Variants in LTN1 observed in about 807,000 individuals in gnomAD.
LTN1 encodes listerin E3 ubiquitin protein ligase 1.
In LTN1, 88 loss-of-function variants were observed where a neutral mutation model predicts 201.2. The observed-to-expected ratio is 0.44, with a 90% CI of 0.37 to 0.52. The LOEUF is 0.52. Ranked by LOEUF, LTN1 falls within the 20% of genes least tolerant of loss-of-function variation. The probability of loss-of-function intolerance (pLI) is 0.00; values close to 1 mark genes in which losing one functional copy is unlikely to be tolerated. For missense variants in LTN1, 1,752 were observed against 2,038.7 expected (o/e 0.86, Z 2.71); for synonymous variants, 645 against 713.5 (o/e 0.90, Z 1.53).
rs373337698 is a variant in LTN1 at position 28,947,408 on chromosome 21, T to C, written c.3487+56A>G. ...ATGTGGTCTTATATATTAGAAACAGTTCTTCATCTCAAGCAATAATTAAAT... is the reference window on the plus strand; with the variant it reads ...ATGTGGTCTTATATATTAGAAACAGCTCTTCATCTCAAGCAATAATTAAAT... On this transcript the variant is annotated intron_variant, in intron 19 of 29. Transcript: ENST00000361371. 7.3e-6 allele frequency: 10 copies of C among 1,368,598 alleles called. No individual in the cohort carries two copies. The East Asian group carries it at 1.1e-4, about 15-fold the overall frequency. 84.8% of individuals were successfully genotyped at this position (1,368,598 alleles called of 1,614,324 possible). A position where few individuals can be genotyped will look rare whatever the true frequency, so the allele number is the denominator to read the frequency against.
intron 18 of LTN1, 71 bp downstream of exon 18, chr21:28,952,089 C>A: frequency 1.3e-6 from 1 of 767,900 alleles, no homozygotes; most frequent in Non-Finnish European, 2.1e-6. Context: ...AGAAATTATT[C>A]ATTAATTAGG....
Position 28,935,269 on chromosome 21 carries a change from A to C in LTN1, c.4715T>G (p.Leu1572Ter), listed in dbSNP as rs2146256772. The C allele has an allele frequency of 1.2e-6, 2 of 1,614,170 alleles. No homozygotes were observed. The highest frequency in any genetic ancestry group is 1.7e-6 in the Non-Finnish European group (2 of 1,180,002). ...CCTAACCATGGCAGGCAAGTCTTTT[A>C]ATGTCATATGATAGACTGAACAAGC... is the stretch of plus-strand genomic sequence containing the variant. ...HLACSVYHMT[L>*]KDLPAMVRLW... The change falls in exon 27 of 30, where the codon TTA (leucine) becomes TGA (stop). Residue 1572 changes from leucine (L) to a stop codon, truncating the protein, a stop_gained. Coordinates refer to ENST00000361371, the MANE Select transcript of LTN1 (RefSeq NM_015565.3). LOFTEE classifies it high-confidence loss of function.
intron 28 of LTN1, among the ~76,000 whole-genome samples, chr21:28,932,251 G>A (rs1239033225): frequency 6.6e-6 from 1 of 152,160 alleles, no homozygotes; most frequent in Non-Finnish European, 1.5e-5. Context: ...ATGAAATAAA[G>A]TCAATCCCTC....
At chr21:28,976,612 A>T (rs2084617200) in intron 6 of LTN1, among the ~76,000 whole-genome samples, 1 of 152,092 alleles carries the variant, frequency 6.6e-6, no homozygotes, top group East Asian at 1.9e-4. Context: ...AAAAAAAAAA[A>T]AAAAATTGAA....
intron 17 of LTN1, among the ~76,000 whole-genome samples, chr21:28,952,667 T>C (rs1313880551): frequency 6.6e-6 from 1 of 152,160 alleles, no homozygotes; most frequent in Non-Finnish European, 1.5e-5. Flanking sequence ...CTAAGTAGAA[T>C]GCGATTGGAA....
chr21:28,989,841 C>G (rs1400348458), intron 1 of LTN1, among the ~76,000 whole-genome samples: 1 of 151,996 alleles, frequency 6.6e-6, no homozygotes, highest in African/African-American at 2.4e-5. Context: ...ATGGCAAAAC[C>G]CTGTATCTAT....
chr21:28,973,341 C>T (rs1166964037), intron 6 of LTN1, among the ~76,000 whole-genome samples: 7 of 124,024 alleles, frequency 5.6e-5, no homozygotes, highest in South Asian at 2.4e-4. Context: ...AGCAAGAATC[C>T]GTCCCAAAAA....
chr21:28,986,235 A>G lies in LTN1; in HGVS notation c.249T>C (p.Ala83=), dbSNP rs770029485. 1.3e-6 allele frequency: 2 copies of G among 1,575,848 alleles called. No homozygotes were observed. The highest frequency in any genetic ancestry group is 1.7e-6 in the Non-Finnish European group (2 of 1,145,936). ...SKKDVTTKLK[A]MQEFGTMCTE... ...TACACATGGTTCCAAATTCCTGCAT[A>G]GCCTAAAAGTAAGTTATTAACATCA... Residue 83 remains alanine, a splice_region_variant and synonymous_variant, in exon 3 of 30, where the codon GCT becomes GCC. Coordinates refer to ENST00000361371, the MANE Select transcript of LTN1 (RefSeq NM_015565.3). The surrounding 1 kb of genome is among the most constrained non-coding windows in gnomAD (Gnocchi z 4.1).
At position 28,966,631 on chromosome 21, in the gene LTN1, C is replaced by T; in HGVS notation, c.1860G>A (p.Leu620=). Residue 620 remains leucine, a synonymous_variant, in exon 10 of 30, where the codon CTG becomes CTA. Transcript: ENST00000361371. The stretch of plus-strand genomic sequence containing the variant: ...CTCGGCTTGAAGAAAAGGAGTCAAG[C>T]AGAGTAGAAAGAAACCTTAGATGTT... ...SEQHLRFLST[L]LDSFSSSRVF... 1.2e-6 allele frequency: 2 copies of T among 1,614,016 alleles called. No homozygotes were observed. The highest frequency in any genetic ancestry group is 1.7e-6 in the Non-Finnish European group (2 of 1,179,984).
chr21:28,959,947 T>C (rs1013789892), intron 12 of LTN1: 21 of 320,450 alleles, frequency 6.6e-5, no homozygotes, highest in African/African-American at 4.6e-4. Flanking sequence ...GAAAACCCTT[T>C]AAGTCATGAG....
intron 26 of LTN1, 104 bp from the exon 27 acceptor site, chr21:28,935,433 A>T (rs2084247039): frequency 4.2e-6 from 3 of 713,382 alleles, no homozygotes; most frequent in Admixed American, 2.4e-5. Context: ...TTTCTCAACA[A>T]TAGTGCTATA....
At chr21:28,954,824 C>T (rs1161866859) in intron 16 of LTN1, among the ~76,000 whole-genome samples, 1 of 152,104 alleles carries the variant, frequency 6.6e-6, no homozygotes, top group African/African-American at 2.4e-5. Flanking sequence ...AGAACTGAAA[C>T]TATATAAAAC....
At chr21:28,955,405 C>T (rs8134402) in intron 16 of LTN1, among the ~76,000 whole-genome samples, 31,916 of 132,730 alleles carry the variant, frequency 0.24, 3,767 homozygotes, top group South Asian at 0.28. Flanking sequence ...TTTTGGAAAA[C>T]GATATGGAAG....
At chr21:28,955,727 A>G (rs992961050) in intron 16 of LTN1, among the ~76,000 whole-genome samples, 6 of 152,034 alleles carry the variant, frequency 3.9e-5, no homozygotes, top group Non-Finnish European at 5.9e-5. Flanking sequence ...GTTCAAGACC[A>G]GCCTGGCCAA....
Position 28,930,512 on chromosome 21 carries a change from T to C in LTN1, c.5239-2A>G, listed in dbSNP as rs761926761. 1 of 1,607,528 alleles carries C rather than the reference T, an allele frequency of 6.2e-7. No individual in the cohort carries two copies. The highest frequency in any genetic ancestry group is 1.3e-5 in the African/African-American group (1 of 74,692). ...GTTGCTAGATGTAAACCATTTGTAC[T>C]GAAAAAGAAAAGGTTTTAAATACTA... On this transcript the variant is annotated splice_acceptor_variant, in intron 29 of 29. Coordinates refer to ENST00000361371, the MANE Select transcript of LTN1 (RefSeq NM_015565.3). LOFTEE classifies it high-confidence loss of function.
intron 3 of LTN1, 144 bp downstream of exon 3, chr21:28,985,995 G>A: frequency 1.7e-6 from 1 of 589,602 alleles, no homozygotes; most frequent in Non-Finnish European, 3.0e-6. Context: ...CTCTTCTCAA[G>A]TGTTAACAAT....
At position 28,966,751 on chromosome 21, in the gene LTN1, G is replaced by A; in HGVS notation, c.1740C>T (p.Gly580=). The change falls in exon 10 of 30, where the codon GGC becomes GGT. Residue 580 remains glycine (G), a synonymous_variant. Coordinates refer to ENST00000361371, the MANE Select transcript of LTN1 (RefSeq NM_015565.3). ...GTTTTTTCCTTAGAGGAGACAAAAGGCCTGAAGAATTATGAGTGAGAGAAG... is the reference window on the plus strand; with the variant it reads ...GTTTTTTCCTTAGAGGAGACAAAAGACCTGAAGAATTATGAGTGAGAGAAG... ...TEPSLTHNSS[G]LLSPLRKKPL... The A allele has an allele frequency of 6.2e-7, 1 of 1,614,054 alleles. No homozygotes were observed. Among genetic ancestry groups the A allele is most frequent in the Admixed American group, 1.7e-5 (1 of 60,006 alleles).
chr21:28,985,245 C>T (rs1442562192), intron 3 of LTN1, among the ~76,000 whole-genome samples: 2 of 151,940 alleles, frequency 1.3e-5, no homozygotes, highest in African/African-American at 2.4e-5. Flanking sequence ...GGATTATTGG[C>T]GGTCAGGAGT....
chr21:28,940,535 T>C (rs2084289164), intron 25 of LTN1, among the ~76,000 whole-genome samples: 1 of 152,046 alleles, frequency 6.6e-6, no homozygotes, highest in South Asian at 2.1e-4. Flanking sequence ...TATTAAGTTA[T>C]ATCTCCACAA....
Sources: allele counts gnomAD v4.1 joint callset (sites outside exome capture counted in the v4.1 genomes callset), GRCh38; gene constraint gnomAD v4.1.1; non-coding constraint Gnocchi (gnomAD v3.1); transcripts MANE v1.5; gene names NCBI Gene and HGNC (gene_info 2026-07-23, HGNC 2026-07-21).